HCN1: variants seen among roughly 807,000 people sequenced by gnomAD.
HCN1 encodes hyperpolarization activated cyclic nucleotide gated potassium channel 1.
A neutral mutation model predicts 78.9 loss-of-function variants in HCN1; 13 were observed. The ratio of observed to expected loss-of-function variants is 0.16; its 90% confidence interval spans 0.11 to 0.26. The LOEUF is 0.26. Among genes scored for constraint, HCN1 ranks in the 10% least tolerant of loss-of-function variants. The pLI, the probability that HCN1 is intolerant of heterozygous loss-of-function variation, is 1.00. For synonymous variants in HCN1, 552 were observed against 455.5 expected, an observed-to-expected ratio of 1.21 and a Z score of -2.70; for missense variants, 810 against 1,154.3, an observed-to-expected ratio of 0.70 and a Z score of 4.32.
chr5:45,582,521 C>T (rs1010380629), intron 2 of HCN1, among the ~76,000 whole-genome samples: 1 of 152,028 alleles, frequency 6.6e-6, no homozygotes, highest in Non-Finnish European at 1.5e-5. Context: ...TTTCCTTCTC[C>T]TGCCTGATTG....
chr5:45,361,997 T>TA (rs1362761358), intron 4 of HCN1, among the ~76,000 whole-genome samples: 1 of 152,116 alleles, frequency 6.6e-6, no homozygotes, highest in Non-Finnish European at 1.5e-5. Flanking sequence ...AATTATGGAA[T>TA]AAGGGTCAAG....
intron 2 of HCN1, among the ~76,000 whole-genome samples, chr5:45,548,239 T>C (rs1327293338): frequency 1.3e-5 from 2 of 151,968 alleles, no homozygotes; most frequent in African/African-American, 4.8e-5. Flanking sequence ...CTTTCTGTAT[T>C]ACTTTACTTT....
At chr5:45,311,274 C>A (rs1745847303) in intron 5 of HCN1, among the ~76,000 whole-genome samples, 2 of 152,104 alleles carry the variant, frequency 1.3e-5, no homozygotes, top group South Asian at 4.1e-4. Flanking sequence ...CAAAGAAATT[C>A]TCTCTCCAAG....
chr5:45,509,017 C>A (rs1233655674), intron 2 of HCN1, among the ~76,000 whole-genome samples: 1 of 152,048 alleles, frequency 6.6e-6, no homozygotes, highest in African/African-American at 2.4e-5. Flanking sequence ...TAAGTTCTTA[C>A]CCTGCCCAAA....
At chr5:45,384,849 G>A (rs968565696) in intron 4 of HCN1, among the ~76,000 whole-genome samples, 1 of 151,992 alleles carries the variant, frequency 6.6e-6, no homozygotes, top group Admixed American at 6.6e-5. Flanking sequence ...GCTAGTTAGA[G>A]GTATAAATGT....
intron 1 of HCN1, among the ~76,000 whole-genome samples, chr5:45,666,308 T>C (rs1746047582): frequency 6.6e-6 from 1 of 152,074 alleles, no homozygotes; most frequent in South Asian, 2.1e-4. Flanking sequence ...AAATTACTAG[T>C]CAATGAAACA....
intron 4 of HCN1, among the ~76,000 whole-genome samples, chr5:45,392,911 T>A (rs193281906): frequency 6.6e-6 from 1 of 152,276 alleles, no homozygotes; most frequent in East Asian, 1.9e-4. Context: ...CTCAGCACAT[T>A]CTTTGGACAT....
intron 2 of HCN1, among the ~76,000 whole-genome samples, chr5:45,624,330 T>C: frequency 6.6e-6 from 1 of 152,080 alleles, no homozygotes; most frequent in East Asian, 1.9e-4. Context: ...ATAGTAAGGG[T>C]ATATAGCTGG....
At chr5:45,553,215 A>G (rs1475759210) in intron 2 of HCN1, among the ~76,000 whole-genome samples, 3 of 151,928 alleles carry the variant, frequency 2.0e-5, no homozygotes, top group Admixed American at 1.3e-4. Context: ...ACGTCCATCC[A>G]GACAGATGTT....
intron 1 of HCN1, among the ~76,000 whole-genome samples, chr5:45,664,884 A>G (rs1378021824): frequency 1.3e-5 from 2 of 151,996 alleles, no homozygotes; most frequent in African/African-American, 4.8e-5. Context: ...TGTGGAAGTC[A>G]GTGTGGCGAT....
chr5:45,401,997 G>C (rs752440861), intron 3 of HCN1, among the ~76,000 whole-genome samples: 15 of 152,032 alleles, frequency 9.9e-5, no homozygotes, highest in Non-Finnish European at 1.6e-4. Flanking sequence ...GGTCATGCAG[G>C]TAAAAATCTA....
chr5:45,433,110 C>CTA (rs967578490), intron 3 of HCN1, among the ~76,000 whole-genome samples: 4 of 151,998 alleles, frequency 2.6e-5, no homozygotes, highest in African/African-American at 9.7e-5. Flanking sequence ...ATTATGAGAG[C>CTA]TATAATTCAA....
chr5:45,645,542 G>T lies in HCN1; in HGVS notation c.492C>A (p.Ile164=), dbSNP rs377642714. 5.6e-6 allele frequency: 9 copies of T among 1,611,080 alleles called. No homozygotes were observed. Among genetic ancestry groups the T allele is most frequent in the Non-Finnish European group, 7.6e-6 (9 of 1,178,412 alleles). The change falls in exon 2 of 8, where the codon ATC becomes ATA. Residue 164 remains isoleucine (I), a synonymous_variant. Transcript: ENST00000303230. ...VGNLVIIPVG[I]TFFTEQTTTP... Reference sequence around the variant, plus strand: ...TTGTTGTTTGCTCTGTAAAGAATGTGATTCCAACTGGTATGATGACTAGAT... The same window carrying T: ...TTGTTGTTTGCTCTGTAAAGAATGTTATTCCAACTGGTATGATGACTAGAT...
At chr5:45,373,443 T>G (rs1487672588) in intron 4 of HCN1, among the ~76,000 whole-genome samples, 2 of 137,624 alleles carry the variant, frequency 1.5e-5, no homozygotes, top group East Asian at 4.4e-4. Context: ...ATATACATCA[T>G]CTATAATTTA....
chr5:45,306,263 A>G (rs1745732785), intron 5 of HCN1, among the ~76,000 whole-genome samples: 1 of 152,124 alleles, frequency 6.6e-6, no homozygotes, highest in African/African-American at 2.4e-5. Flanking sequence ...GATTTGAACT[A>G]TGCAAATGTT....
chr5:45,359,433 A>C (rs976672431), intron 4 of HCN1, among the ~76,000 whole-genome samples: 1 of 150,486 alleles, frequency 6.6e-6, no homozygotes, highest in Admixed American at 6.6e-5. Context: ...ATATATATAT[A>C]TCACCTGATT....
intron 3 of HCN1, among the ~76,000 whole-genome samples, chr5:45,429,645 G>A (rs1333723164): frequency 1.3e-5 from 2 of 152,196 alleles, no homozygotes; most frequent in African/African-American, 4.8e-5. Context: ...TGGCCAGAAA[G>A]CAGAATGTTT....
intron 2 of HCN1, among the ~76,000 whole-genome samples, chr5:45,536,523 C>A (rs949108857): frequency 6.6e-6 from 1 of 152,094 alleles, no homozygotes; most frequent in African/African-American, 2.4e-5. Context: ...ATTTTCATTT[C>A]ATTCTTTTCA....
chr5:45,588,540 C>T (rs1368886672), intron 2 of HCN1, among the ~76,000 whole-genome samples: 1 of 151,984 alleles, frequency 6.6e-6, no homozygotes, highest in African/African-American at 2.4e-5. Flanking sequence ...AATTCCTGAC[C>T]CCCTCCTCTA....
Sources: allele counts gnomAD v4.1 joint callset (sites outside exome capture counted in the v4.1 genomes callset), GRCh38; gene constraint gnomAD v4.1.1; transcripts MANE v1.5; gene names NCBI Gene and HGNC (gene_info 2026-07-23, HGNC 2026-07-21).